The following MCPH1 variants were observed in gnomAD, a reference collection of about 807,000 sequenced individuals.
MCPH1 encodes the protein microcephalin.
In MCPH1, 104 loss-of-function variants were observed where a neutral mutation model predicts 84.5. That is an observed-to-expected ratio of 1.23 (90% CI 1.05 to 1.45). MCPH1 has a LOEUF of 1.45. MCPH1 is among the 40% of genes most tolerant of loss of function. MCPH1 has a pLI of 0.00. For missense variants in MCPH1, 1,498 were observed against 1,005.7 expected, an observed-to-expected ratio of 1.49 and a Z score of -6.62; for synonymous variants, 514 against 366.8, an observed-to-expected ratio of 1.40 and a Z score of -4.58.
intron 12 of MCPH1, among the ~76,000 whole-genome samples, chr8:6,559,648 C>T (rs924640078): frequency 6.6e-6 from 1 of 152,100 alleles, no homozygotes; most frequent in African/African-American, 2.4e-5. Context: ...TGAAATAGTT[C>T]TTTCCTTTCC....
intron 8 of MCPH1, among the ~76,000 whole-genome samples, chr8:6,448,017 C>T (rs1739808122): frequency 6.6e-6 from 1 of 152,108 alleles, no homozygotes; most frequent in Admixed American, 6.6e-5. Context: ...AATTCACTTC[C>T]TAACTAATGA....
At chr8:6,618,378 G>C (rs149120290) in intron 12 of MCPH1, 2 of 152,236 alleles carry the variant, frequency 1.3e-5, no homozygotes, top group Non-Finnish European at 2.9e-5. Context: ...TGAAGGCAGT[G>C]TCACAGCACA....
intron 12 of MCPH1, chr8:6,616,187 C>T (rs1195535663): frequency 6.6e-6 from 1 of 152,164 alleles, no homozygotes; most frequent in Non-Finnish European, 1.5e-5. Flanking sequence ...AAGACACGTC[C>T]TGTATCATTG....
chr8:6,487,671 C>G (rs1810094344), intron 11 of MCPH1, among the ~76,000 whole-genome samples: 1 of 152,220 alleles, frequency 6.6e-6, no homozygotes, highest in African/African-American at 2.4e-5. Context: ...GTCTCTCTGG[C>G]AGACATTTAT....
chr8:6,622,318 A>C (rs1831527900), intron 13 of MCPH1: 1 of 159,678 alleles, frequency 6.3e-6, no homozygotes, highest in Non-Finnish European at 1.4e-5. Flanking sequence ...AGGAGGCTGG[A>C]ACCCCACGCC....
chr8:6,632,740 A>G (rs937798757), intron 13 of MCPH1, among the ~76,000 whole-genome samples: 1 of 152,056 alleles, frequency 6.6e-6, no homozygotes, highest in Non-Finnish European at 1.5e-5. Flanking sequence ...ACCTGGGAGA[A>G]AGAGGTTGCA....
intron 13 of MCPH1, chr8:6,626,053 C>T (rs1393094371): frequency 4.1e-6 from 4 of 985,282 alleles, no homozygotes; most frequent in Non-Finnish European, 3.6e-6. Flanking sequence ...CACCCGCCAG[C>T]CTTTGTTCCT....
intron 2 of MCPH1, among the ~76,000 whole-genome samples, chr8:6,410,530 C>T (rs1009254544): frequency 1.3e-5 from 2 of 152,200 alleles, no homozygotes; most frequent in Admixed American, 1.3e-4. Context: ...ATCAGATTTA[C>T]TATCACGTAC....
chr8:6,508,995 A>T, intron 12 of MCPH1: 1 of 1,614,162 alleles, frequency 6.2e-7, no homozygotes, highest in Non-Finnish European at 8.5e-7. Flanking sequence ...TTTGTGCTAA[A>T]ATCATTTCCT....
chr8:6,642,448 C>A (rs919007593), intron 13 of MCPH1, among the ~76,000 whole-genome samples: 4 of 152,052 alleles, frequency 2.6e-5, no homozygotes, highest in African/African-American at 9.7e-5. Context: ...ACGGATGGGA[C>A]TTTAGAGCTT....
chr8:6,596,599 T>G (rs1413456680), intron 12 of MCPH1, among the ~76,000 whole-genome samples: 2 of 151,732 alleles, frequency 1.3e-5, no homozygotes, highest in Non-Finnish European at 2.9e-5. Flanking sequence ...GTGCAGGAGC[T>G]CGTGAGTATG....
chr8:6,492,162 C>T (rs781332105), intron 11 of MCPH1, among the ~76,000 whole-genome samples: 6 of 152,122 alleles, frequency 3.9e-5, no homozygotes, highest in East Asian at 1.9e-4. Context: ...TTTTAATGAT[C>T]GCCATTCTAA....
chr8:6,613,793 C>T (rs951866804), intron 12 of MCPH1, among the ~76,000 whole-genome samples: 1 of 152,012 alleles, frequency 6.6e-6, no homozygotes, highest in East Asian at 1.9e-4. Flanking sequence ...GTGGAGCTGG[C>T]TTGTGGACGG....
At chr8:6,479,113 A>G in intron 10 of MCPH1, among the ~76,000 whole-genome samples, 1 of 152,188 alleles carries the variant, frequency 6.6e-6, no homozygotes. Context: ...AAAAAATGCA[A>G]AAGTTAGCCA....
intron 12 of MCPH1, chr8:6,521,543 G>T: frequency 3.0e-6 from 2 of 674,178 alleles, no homozygotes; most frequent in Non-Finnish European, 4.8e-6. Context: ...TGTTACCAGA[G>T]CCCTAAGGAA....
At chr8:6,640,437 T>G (rs2129583819) in intron 13 of MCPH1, among the ~76,000 whole-genome samples, 1 of 152,348 alleles carries the variant, frequency 6.6e-6, no homozygotes, top group Middle Eastern at 3.4e-3. Flanking sequence ...CATTAATTTC[T>G]AATTGCCTGA....
intron 12 of MCPH1, chr8:6,513,932 T>A (rs1421271762): frequency 1.6e-6 from 2 of 1,242,278 alleles, no homozygotes; most frequent in African/African-American, 1.5e-5. Context: ...TAACATAGAA[T>A]AACTATCAAA....
chr8:6,600,763 C>T (rs1207813345), intron 12 of MCPH1, among the ~76,000 whole-genome samples: 3 of 152,182 alleles, frequency 2.0e-5, no homozygotes, highest in Non-Finnish European at 4.4e-5. Context: ...AATAGCTGAG[C>T]AACGCAGGAG....
At chr8:6,572,390 T>C (rs1269901457) in intron 12 of MCPH1, among the ~76,000 whole-genome samples, 10 of 152,324 alleles carry the variant, frequency 6.6e-5, no homozygotes. Flanking sequence ...AATCCACTTG[T>C]AATACTCACT....
Sources: gnomAD v4.1 joint callset for allele counts (sites outside exome capture counted in the v4.1 genomes callset) on GRCh38, gnomAD v4.1.1 for gene constraint, MANE v1.5 for transcripts, NCBI Gene and HGNC (gene_info 2026-07-23, HGNC 2026-07-21) for gene names.